PARD3: variants seen among roughly 807,000 people sequenced by gnomAD.
PARD3 encodes par-3 family cell polarity regulator.
PARD3 carries 75 observed loss-of-function variants against 155.4 expected under a neutral mutation model. That is an observed-to-expected ratio of 0.48 (90% CI 0.40 to 0.58). PARD3 has a LOEUF of 0.58. Among genes scored for constraint, PARD3 ranks in the 20% least tolerant of loss-of-function variants. The probability of loss-of-function intolerance (pLI) is 0.00; values close to 1 mark genes in which losing one functional copy is unlikely to be tolerated. For synonymous variants in PARD3, 576 were observed against 610.5 expected, an observed-to-expected ratio of 0.94 and a Z score of 0.83; for missense variants, 1,642 against 1,721.7, an observed-to-expected ratio of 0.95 and a Z score of 0.82.
At position 34,696,226 on chromosome 10, in the gene PARD3, T is replaced by C. The variant is rs901959848; in HGVS notation, c.222+92A>G. The stretch of plus-strand genomic sequence containing the variant: ...GCCCACACATAATTTAAAGTATGTG[T>C]CTAAAACAGAAAGGAAAAGAATCGC... On this transcript the variant is annotated intron_variant, in intron 2 of 24. Coordinates refer to ENST00000374788, the MANE Select transcript of PARD3 (RefSeq NM_001184785.2). 5.5e-6 allele frequency: 4 copies of C among 724,934 alleles called. No homozygotes were observed. The Admixed American group carries it at 8.7e-5, about 16-fold the overall frequency. The allele number at this position is 724,934 out of a possible 1,614,324, so 44.9% of individuals were successfully genotyped here. A position where few individuals can be genotyped will look rare whatever the true frequency, so the allele number is the denominator to read the frequency against.
chr10:34,507,548 C>CAAAAAAAAAAAAAAAAAAAAAAAAAA (rs374421524), intron 3 of PARD3, among the ~76,000 whole-genome samples: 3 of 42,958 alleles, frequency 7.0e-5, no homozygotes, highest in African/African-American at 3.4e-4. Flanking sequence ...ATTAAAAAAA[C>CAAAAAAAAAAAAAAAAAAAAAAAAAA]AAAAAAAAAA....
At chr10:34,627,575 A>T (rs2092044723) in intron 2 of PARD3, among the ~76,000 whole-genome samples, 1 of 152,170 alleles carries the variant, frequency 6.6e-6, no homozygotes, top group Non-Finnish European at 1.5e-5. Context: ...CACAGGGAGA[A>T]GGCCAGGTGA....
At chr10:34,573,587 G>A (rs11009822) in intron 2 of PARD3, among the ~76,000 whole-genome samples, 2 of 152,046 alleles carry the variant, frequency 1.3e-5, no homozygotes, top group African/African-American at 2.4e-5. Flanking sequence ...GGCACCTGTA[G>A]TACCAACTAC....
At chr10:34,749,118 A>G (rs1182091075) in intron 1 of PARD3, among the ~76,000 whole-genome samples, 1 of 152,182 alleles carries the variant, frequency 6.6e-6, no homozygotes, top group African/African-American at 2.4e-5. Context: ...ACTTCACCCC[A>G]TATACTTTTG....
chr10:34,676,674 A>T (rs2093713532), intron 2 of PARD3, among the ~76,000 whole-genome samples: 1 of 152,190 alleles, frequency 6.6e-6, no homozygotes, highest in African/African-American at 2.4e-5. Flanking sequence ...AATTAGACAA[A>T]TTAGGTTTTG....
intron 22 of PARD3, among the ~76,000 whole-genome samples, chr10:34,213,060 T>C (rs36114686): frequency 0.028 from 4,190 of 152,300 alleles, 89 homozygotes; most frequent in Non-Finnish European, 0.041. Flanking sequence ...TTACTCTGTT[T>C]TGTGTTACTA....
chr10:34,205,618 G>A (rs140325869), intron 22 of PARD3, among the ~76,000 whole-genome samples: 82 of 152,266 alleles, frequency 5.4e-4, no homozygotes, highest in African/African-American at 1.8e-3. Context: ...AGAGGAAGTG[G>A]GCGGCCAGGG....
chr10:34,368,927 C>G (rs188746258), intron 12 of PARD3, among the ~76,000 whole-genome samples: 2 of 149,426 alleles, frequency 1.3e-5, no homozygotes, highest in East Asian at 4.0e-4. Flanking sequence ...TTCTTTATTA[C>G]TTGTTTATTT....
At chr10:34,357,012 T>C (rs1277047052) in intron 14 of PARD3, among the ~76,000 whole-genome samples, 1 of 152,224 alleles carries the variant, frequency 6.6e-6, no homozygotes, top group Admixed American at 6.5e-5. Flanking sequence ...CTTACTTAAA[T>C]CATATTCATT....
chr10:34,567,761 G>A (rs2086074716), intron 2 of PARD3, among the ~76,000 whole-genome samples: 1 of 152,190 alleles, frequency 6.6e-6, no homozygotes, highest in Admixed American at 6.5e-5. Context: ...TCTGAAACCA[G>A]CAGCTACAGC....
chr10:34,529,983 C>A (rs1209414912), intron 2 of PARD3, among the ~76,000 whole-genome samples: 1 of 152,146 alleles, frequency 6.6e-6, no homozygotes, highest in Non-Finnish European at 1.5e-5. Flanking sequence ...GATCCTCCTG[C>A]CTCAGCCTCC....
intron 12 of PARD3, among the ~76,000 whole-genome samples, chr10:34,369,122 T>C (rs1157603664): frequency 2.0e-5 from 3 of 151,976 alleles, no homozygotes; most frequent in Admixed American, 1.3e-4. Flanking sequence ...GGCTCCAAGA[T>C]TTGGAGTGTC....
At chr10:34,456,818 A>G (rs748748264) in intron 4 of PARD3, among the ~76,000 whole-genome samples, 4 of 152,188 alleles carry the variant, frequency 2.6e-5, no homozygotes, top group Non-Finnish European at 5.9e-5. Context: ...GAACTATATC[A>G]TTCTTCACAT....
At chr10:34,516,928 TATTCCTGTAA>T (rs764248594) in intron 3 of PARD3, 41 bp downstream of exon 3, 42 of 1,531,764 alleles carry the variant, frequency 2.7e-5, no homozygotes, top group Non-Finnish European at 2.9e-5. Flanking sequence ...CAAAAGTTGG[TATTCCTGTAA>T]ATTAAGATGA....
chr10:34,259,199 A>G (rs626810), intron 22 of PARD3, among the ~76,000 whole-genome samples: 81,895 of 151,890 alleles, frequency 0.54, 22,422 homozygotes, highest in Middle Eastern at 0.66. Context: ...GCTTCTAGGA[A>G]GCAATTAGGA....
rs1412077454 is a variant in PARD3 at position 34,109,681 on chromosome 10, G to C, written c.*1488C>G. On this transcript the variant is annotated 3_prime_UTR_variant, in exon 25 of 25. Transcript: ENST00000374788. Reference sequence around the variant, plus strand: ...ATCCAAGGTCACTGCGCGTACACTGGTAACACCACTTAGACACCGCCGCAC... The same window carrying C: ...ATCCAAGGTCACTGCGCGTACACTGCTAACACCACTTAGACACCGCCGCAC... 1 of 151,956 alleles carries C rather than the reference G, an allele frequency of 6.6e-6. No homozygotes were observed. 9.4% of individuals were successfully genotyped at this position (151,956 alleles called of 1,614,324 possible).
chr10:34,606,676 T>C (rs1253713004), intron 2 of PARD3, among the ~76,000 whole-genome samples: 2 of 136,490 alleles, frequency 1.5e-5, no homozygotes, highest in Non-Finnish European at 3.1e-5. Flanking sequence ...TGTCTATCAA[T>C]AAGACAGCTC....
intron 20 of PARD3, among the ~76,000 whole-genome samples, chr10:34,309,072 G>A (rs1317670332): frequency 6.6e-6 from 1 of 152,186 alleles, no homozygotes; most frequent in Admixed American, 6.5e-5. Context: ...TTGCTGAGTG[G>A]AAGGGGTGAA....
At chr10:34,214,700 C>T (rs531081058) in intron 22 of PARD3, among the ~76,000 whole-genome samples, 10 of 152,104 alleles carry the variant, frequency 6.6e-5, no homozygotes, top group Admixed American at 2.6e-4. Flanking sequence ...TTGTTTACAT[C>T]GGGTTCATCA....
Sources: gnomAD v4.1 joint callset for allele counts (sites outside exome capture counted in the v4.1 genomes callset) on GRCh38, gnomAD v4.1.1 for gene constraint, MANE v1.5 for transcripts, NCBI Gene and HGNC (gene_info 2026-07-23, HGNC 2026-07-21) for gene names.